The following MTUS2 variants were observed in gnomAD, a reference collection of about 807,000 sequenced individuals.
MTUS2 encodes the protein microtubule associated scaffold protein 2, also known as microtubule-associated tumor suppressor candidate 2.
MTUS2 carries 40 observed loss-of-function variants against 114.1 expected under a neutral mutation model. The observed-to-expected ratio is 0.35, with a 90% CI of 0.27 to 0.46. The LOEUF (loss-of-function observed/expected upper bound fraction) is 0.46. Ranked by LOEUF, MTUS2 falls within the 20% of genes least tolerant of loss-of-function variation. MTUS2 has a pLI of 1.00. For missense variants in MTUS2, 1,679 were observed against 1,705.4 expected (o/e 0.98, Z 0.27); for synonymous variants, 688 against 672.0 (o/e 1.02, Z -0.37).
chr13:28,889,005 A>G (rs1469575492), intron 2 of MTUS2, among the ~76,000 whole-genome samples: 1 of 152,158 alleles, frequency 6.6e-6, no homozygotes, highest in East Asian at 1.9e-4. Flanking sequence ...CTCCCAGGAA[A>G]AGTGTAATTG....
chr13:29,296,187 A>G (rs775585735), intron 6 of MTUS2, among the ~76,000 whole-genome samples: 15 of 142,342 alleles, frequency 1.1e-4, no homozygotes, highest in South Asian at 2.4e-4. Flanking sequence ...TGGTAGTTCT[A>G]TTTTTAGGTT....
intron 4 of MTUS2, among the ~76,000 whole-genome samples, chr13:29,058,204 C>T (rs1226144048): frequency 1.2e-5 from 1 of 85,900 alleles, no homozygotes; most frequent in Non-Finnish European, 2.6e-5. Context: ...CTGCCTTTAA[C>T]ATTTTTTTTT....
At chr13:29,415,428 C>T (rs542589548) in intron 8 of MTUS2, among the ~76,000 whole-genome samples, 6 of 152,234 alleles carry the variant, frequency 3.9e-5, no homozygotes, top group South Asian at 2.1e-4. Context: ...ATCTTCATCA[C>T]GATTTTGGCT....
chr13:29,266,928 G>A (rs1897687833), intron 5 of MTUS2, among the ~76,000 whole-genome samples: 1 of 152,182 alleles, frequency 6.6e-6, no homozygotes, highest in African/African-American at 2.4e-5. Flanking sequence ...AAATCAGATG[G>A]GAAAGATTCA....
intron 2 of MTUS2, among the ~76,000 whole-genome samples, chr13:28,907,310 A>G (rs2137990998): frequency 6.6e-6 from 1 of 151,846 alleles, no homozygotes; most frequent in Non-Finnish European, 1.5e-5. Context: ...GCAGAATTAT[A>G]AAGACCATTA....
chr13:28,933,343 CTG>C lies in MTUS2; in HGVS notation c.-242-91112_-242-91111del, dbSNP rs556404788. Among the ~76,000 whole-genome samples the C allele has an allele frequency of 4.1e-4, 62 of 152,268 alleles. 1 individual carries two copies. Among genetic ancestry groups the C allele is most frequent in the Admixed American group, 4.0e-3 (61 of 15,294 alleles). On this transcript the variant is annotated intron_variant, in intron 2 of 15. Transcript: ENST00000612955. ...GGCTGGAAACTCAGGCAGGGTTTCTCTGTTGCAGTATTGAGGCAGAATCCCTT... is the reference window on the plus strand; with the variant it reads ...GGCTGGAAACTCAGGCAGGGTTTCTCTTGCAGTATTGAGGCAGAATCCCTT...
At chr13:29,216,156 T>G (rs1895671951) in intron 5 of MTUS2, among the ~76,000 whole-genome samples, 1 of 152,216 alleles carries the variant, frequency 6.6e-6, no homozygotes, top group South Asian at 2.1e-4. Context: ...GTCCAAACTT[T>G]CTGGCAGCTT....
At chr13:29,485,211 G>A (rs1287686195) in intron 10 of MTUS2, 2 of 152,634 alleles carry the variant, frequency 1.3e-5, no homozygotes, top group African/African-American at 4.8e-5. Context: ...TGCTTTCCTT[G>A]GGTCAGCTTG....
rs186467822 is a variant in MTUS2 at position 29,017,085 on chromosome 13, A to G, written c.-242-7372A>G. Among the ~76,000 whole-genome samples the G allele has an allele frequency of 2.0e-4, 30 of 152,356 alleles. No homozygotes were observed. The South Asian group carries it at 2.1e-3, about 11-fold the overall frequency. On this transcript the variant is annotated intron_variant, in intron 2 of 15. Transcript: ENST00000612955. ...TTATTACCAGGAGACTTTCAGATGA[A>G]TACATTGACTTGTACATAAATATGT...
At chr13:29,070,311 G>A (rs1888856807) in intron 4 of MTUS2, among the ~76,000 whole-genome samples, 1 of 152,046 alleles carries the variant, frequency 6.6e-6, no homozygotes, top group South Asian at 2.1e-4. Flanking sequence ...TTATTTTGCT[G>A]GAGTACATCC....
In MTUS2 at chr13:29,505,821, TG is replaced by T. The variant is rs903666497; in HGVS notation, c.*2620del. On this transcript the variant is annotated 3_prime_UTR_variant, in exon 16 of 16. Transcript: ENST00000612955. ...GGCTGGATGTCAGAATGGATGGGGG[TG>T]GGGGCAGCCCTGGCCGTGATTAGTT... 1.0e-4 allele frequency: 24 copies of T among 229,580 alleles called. No individual in the cohort carries two copies. The highest frequency in any genetic ancestry group is 3.8e-4 in the African/African-American group (17 of 45,130). 14.2% of individuals were successfully genotyped at this position (229,580 alleles called of 1,614,324 possible).
At chr13:29,157,641 A>G (rs1265023802) in intron 5 of MTUS2, among the ~76,000 whole-genome samples, 2 of 152,152 alleles carry the variant, frequency 1.3e-5, no homozygotes, top group Non-Finnish European at 2.9e-5. Context: ...TCTGTCCTGG[A>G]GAGACTGAAC....
At chr13:28,906,239 T>A (rs1386825487) in intron 2 of MTUS2, among the ~76,000 whole-genome samples, 1 of 151,520 alleles carries the variant, frequency 6.6e-6, no homozygotes, top group Non-Finnish European at 1.5e-5. Context: ...AAGTGTTTTT[T>A]ATGTCTCTAT....
Position 28,933,118 on chromosome 13 carries a change from AACACACACACAC to A in MTUS2, c.-242-91305_-242-91294del, listed in dbSNP as rs59162969. On this transcript the variant is annotated intron_variant, in intron 2 of 15. Transcript: ENST00000612955. The stretch of plus-strand genomic sequence containing the variant: ...TAGTGTAGGTTCTCTGGAGAATCAG[AACACACACACAC>A]ACACACACACACACACACACACACA... Among the ~76,000 whole-genome samples the A allele has an allele frequency of 2.3e-3, 333 of 145,318 alleles. No individual in the cohort carries two copies. In the Middle Eastern group the frequency reaches 0.035, roughly 15 times the overall value.
intron 5 of MTUS2, among the ~76,000 whole-genome samples, chr13:29,252,256 C>T (rs1897147077): frequency 6.6e-6 from 1 of 152,104 alleles, no homozygotes; most frequent in Admixed American, 6.6e-5. Flanking sequence ...AGAAGTACTT[C>T]CAAGTCATGG....
At chr13:29,415,704 A>G (rs1293911089) in intron 8 of MTUS2, among the ~76,000 whole-genome samples, 1 of 152,284 alleles carries the variant, frequency 6.6e-6, no homozygotes, top group Non-Finnish European at 1.5e-5. Context: ...ATTTATTGGT[A>G]TAGCTGATAT....
intron 5 of MTUS2, among the ~76,000 whole-genome samples, chr13:29,269,843 A>ATC (rs1229915456): frequency 6.6e-6 from 1 of 152,236 alleles, no homozygotes; most frequent in Non-Finnish European, 1.5e-5. Context: ...TAAATGTGGT[A>ATC]TCTACGTAAA....
intron 7 of MTUS2, among the ~76,000 whole-genome samples, chr13:29,330,913 T>C (rs1900745456): frequency 6.6e-6 from 1 of 152,224 alleles, no homozygotes; most frequent in Admixed American, 6.5e-5. Context: ...ATCTTGGCAA[T>C]GCAGGCTCTT....
At chr13:29,298,404 T>C (rs1400979417) in intron 6 of MTUS2, among the ~76,000 whole-genome samples, 1 of 152,192 alleles carries the variant, frequency 6.6e-6, no homozygotes, top group Non-Finnish European at 1.5e-5. Context: ...GAAAAATAAA[T>C]TGTTATTGAT....
Sources: allele counts gnomAD v4.1 joint callset (sites outside exome capture counted in the v4.1 genomes callset), GRCh38; gene constraint gnomAD v4.1.1; transcripts MANE v1.5; gene names NCBI Gene and HGNC (gene_info 2026-07-23, HGNC 2026-07-21).